The following SFI1 variants were observed in gnomAD, a reference collection of about 807,000 sequenced individuals.
SFI1 encodes SFI1 centrin binding protein.
A neutral mutation model predicts 207.5 loss-of-function variants in SFI1; 195 were observed. The observed-to-expected ratio is 0.94, with a 90% CI of 0.84 to 1.06. The LOEUF is 1.06. SFI1 is among the 50% of genes least tolerant of loss of function. SFI1 has a pLI of 0.00. For synonymous variants in SFI1, 630 were observed against 598.9 expected (o/e 1.05, Z -0.76); for missense variants, 1,634 against 1,588.0 (o/e 1.03, Z -0.49).
rs1042984968 is a variant in SFI1 at position 31,604,698 on chromosome 22, C to T, written c.1978-171C>T. ...TGAGGGCCTGTGAGACAGTTTCTCCCTGTCGTCTGGGAGGGTCTGCTGGCC... is the reference window on the plus strand; with the variant it reads ...TGAGGGCCTGTGAGACAGTTTCTCCTTGTCGTCTGGGAGGGTCTGCTGGCC... On this transcript the variant is annotated intron_variant, in intron 19 of 32. Transcript: ENST00000400288. The T allele has an allele frequency of 8.2e-6, 5 of 611,226 alleles. No individual in the cohort carries two copies. In the South Asian group the frequency reaches 8.5e-5, roughly 10 times the overall value. 37.9% of individuals were successfully genotyped at this position (611,226 alleles called of 1,614,324 possible).
chr22:31,543,976 C>T (rs897202402), intron 4 of SFI1, among the ~76,000 whole-genome samples: 1 of 152,064 alleles, frequency 6.6e-6, no homozygotes, highest in Non-Finnish European at 1.5e-5. Flanking sequence ...ATTGTCTGAG[C>T]TCAGGAGTGC....
At chr22:31,504,774 A>T (rs79416521) in intron 1 of SFI1, among the ~76,000 whole-genome samples, 3,536 of 152,220 alleles carry the variant, frequency 0.023, 122 homozygotes, top group African/African-American at 0.08. Context: ...TTGTAGATAC[A>T]TCACTCTAGT....
intron 6 of SFI1, among the ~76,000 whole-genome samples, chr22:31,552,815 C>T (rs1337212977): frequency 6.6e-6 from 1 of 151,998 alleles, no homozygotes; most frequent in Non-Finnish European, 1.5e-5. Flanking sequence ...TGTTCCCTTT[C>T]TCCACGTGCA....
chr22:31,511,710 A>G (rs574811612), intron 2 of SFI1, among the ~76,000 whole-genome samples: 62 of 152,020 alleles, frequency 4.1e-4, no homozygotes, highest in African/African-American at 1.0e-3. Context: ...CTGGAGTGCA[A>G]TGGCGTGATC....
In SFI1 at chr22:31,578,420, A is replaced by G. The variant is rs1451353917; in HGVS notation, c.1123A>G (p.Met375Val). 1 of 1,613,790 alleles carries G rather than the reference A, an allele frequency of 6.2e-7. No individual in the cohort carries two copies. Among genetic ancestry groups the G allele is most frequent in the Non-Finnish European group, 8.5e-7 (1 of 1,179,804 alleles). ...LCAEEAAQFEMAEEHHRHSQL... is the reference protein window; with the variant it reads ...LCAEEAAQFEVAEEHHRHSQL... ...TGCAGAAGAAGCTGCCCAGTTTGAG[A>G]TGGCAGAAGAGCACCACAGGCACAG... is the stretch of plus-strand genomic sequence containing the variant. The change falls in exon 11 of 33, where the codon ATG becomes GTG. Residue 375 changes from methionine (M) to valine (V), a missense_variant. Transcript: ENST00000400288.
intron 8 of SFI1, among the ~76,000 whole-genome samples, chr22:31,565,863 C>A (rs1233752155): frequency 6.6e-6 from 1 of 152,054 alleles, no homozygotes; most frequent in Non-Finnish European, 1.5e-5. Flanking sequence ...GAGACAGGGT[C>A]TTTCTCTGTT....
rs2145918736 is a variant in SFI1 at position 31,575,387 on chromosome 22, A to G, written c.1079A>G (p.Lys360Arg). The G allele has an allele frequency of 6.2e-7, 1 of 1,606,298 alleles. No individual in the cohort carries two copies. The highest frequency in any genetic ancestry group is 2.2e-5 in the East Asian group (1 of 44,616). ...MALRRAFTHWKHYMLLCAEEA... is the reference protein window; with the variant it reads ...MALRRAFTHWRHYMLLCAEEA... ...CTGCGGCGCGCCTTTACTCACTGGA[A>G]ACACTGTATCCTTTCAGATACTCAG... The change falls in exon 10 of 33, where the codon AAA (lysine) becomes AGA (arginine). Residue 360 changes from lysine to arginine, a missense_variant. By Grantham distance (26) the Lys-to-Arg change is conservative. Transcript: ENST00000400288.
In SFI1 at chr22:31,612,378, T is replaced by TGAAAAAAAA. The variant is rs1220311850; in HGVS notation, c.2490+538_2490+539insGAAAAAAAA. The TGAAAAAAAA allele has an allele frequency of 1.8e-4, 11 of 62,264 alleles. 1 individual carries two copies. Among genetic ancestry groups the TGAAAAAAAA allele is most frequent in the African/African-American group, 9.2e-4 (10 of 10,834 alleles). The allele number at this position is 62,264 out of a possible 1,614,324, so 3.9% of individuals were successfully genotyped here. A position where few individuals can be genotyped will look rare whatever the true frequency, so the allele number is the denominator to read the frequency against. On this transcript the variant is annotated intron_variant, in intron 24 of 32. Transcript: ENST00000400288. ...CCGGGCAACAGAGCGAGACTCTGTCTAAAAAAAAAAAAAAAAAAAAATATA... is the reference window on the plus strand; with the variant it reads ...CCGGGCAACAGAGCGAGACTCTGTCTGAAAAAAAAAAAAAAAAAAAAAAAAAAAAATATA...
In SFI1 at chr22:31,498,662, A is replaced by C. The variant is rs554827178; in HGVS notation, c.-31+2025A>C. Among the ~76,000 whole-genome samples the C allele has an allele frequency of 1.1e-3, 160 of 151,772 alleles. 1 individual carries two copies. Among genetic ancestry groups the C allele is most frequent in the African/African-American group, 3.7e-3 (153 of 41,390 alleles). ...CAAGACTCCGTCTAAAAAAAAAAAA[A>C]ATCATTAAAAGGAGTTTGAAAAAGT... On this transcript the variant is annotated intron_variant, in intron 1 of 32. Coordinates refer to ENST00000400288, the MANE Select transcript of SFI1 (RefSeq NM_001007467.3).
rs1436881119 is a variant in SFI1 at position 31,593,455 on chromosome 22, G to A, written c.1544+3878G>A. Among the ~76,000 whole-genome samples, 7 of 139,276 alleles carry A rather than the reference G, an allele frequency of 5.0e-5. No homozygotes were observed. In the South Asian group the frequency reaches 7.7e-4, roughly 15 times the overall value. 91.4% of individuals were successfully genotyped at this position (139,276 alleles called of 152,430 possible). A position where few individuals can be genotyped will look rare whatever the true frequency, so the allele number is the denominator to read the frequency against. ...GATGTGATGGCGGCTGGGAAGAGGC[G>A]CTCCTCACTTCCTAGATGGGATGGC... is the stretch of plus-strand genomic sequence containing the variant. On this transcript the variant is annotated intron_variant, in intron 15 of 32. Transcript: ENST00000400288.
At position 31,602,743 on chromosome 22, in the gene SFI1, C is replaced by T. The variant is rs2068317145; in HGVS notation, c.1763C>T (p.Ala588Val). The stretch of plus-strand genomic sequence containing the variant: ...CACCGCCACGGGCGGCTCAAGAAAG[C>T]TTTCTGCCTCTGGAGGGAAAGTGCC... ...AHHRHGRLKK[A>V]FCLWRESAQG... is the part of the protein sequence containing the mutation. Residue 588 changes from alanine to valine, a missense_variant, in exon 17 of 33, where the codon GCT becomes GTT. Transcript: ENST00000400288. 6.2e-7 allele frequency: 1 copy of T among 1,613,960 alleles called. No individual in the cohort carries two copies. Among genetic ancestry groups the T allele is most frequent in the Non-Finnish European group, 8.5e-7 (1 of 1,180,042 alleles).
intron 4 of SFI1, among the ~76,000 whole-genome samples, chr22:31,539,705 A>G (rs2059305394): frequency 6.6e-6 from 1 of 152,006 alleles, no homozygotes; most frequent in Non-Finnish European, 1.5e-5. Flanking sequence ...GCAGGACCCT[A>G]AAAAGCTTAT....
chr22:31,590,038 T>A (rs2065629881), intron 15 of SFI1, among the ~76,000 whole-genome samples: 1 of 151,474 alleles, frequency 6.6e-6, no homozygotes, highest in African/African-American at 2.4e-5. Flanking sequence ...GAGGTGTAAA[T>A]CCCAGTTGAA....
intron 3 of SFI1, among the ~76,000 whole-genome samples, chr22:31,530,031 G>A (rs1307748419): frequency 2.7e-5 from 4 of 150,620 alleles, no homozygotes; most frequent in African/African-American, 4.9e-5. Context: ...TTAACTGGGC[G>A]TGGTGGCAGG....
chr22:31,608,043 G>A lies in SFI1; in HGVS notation c.2254+10G>A, dbSNP rs368254488. The A allele has an allele frequency of 4.7e-5, 75 of 1,611,380 alleles. No individual in the cohort carries two copies. Among genetic ancestry groups the A allele is most frequent in the Non-Finnish European group, 6.2e-5 (73 of 1,177,958 alleles). Reference sequence around the variant, plus strand: ...AAGGTGCTGGACAGGGGTAAGTGGGGCCCCAGAAGCAAGTCATGTTGAGGA... The same window carrying A: ...AAGGTGCTGGACAGGGGTAAGTGGGACCCCAGAAGCAAGTCATGTTGAGGA... On this transcript the variant is annotated intron_variant, in intron 22 of 32. Transcript: ENST00000400288.
intron 2 of SFI1, among the ~76,000 whole-genome samples, chr22:31,516,811 G>A (rs1037107079): frequency 2.0e-5 from 3 of 151,710 alleles, no homozygotes; most frequent in East Asian, 3.9e-4. Flanking sequence ...AAAATTTGCC[G>A]GGCATGGTGG....
chr22:31,512,555 C>T (rs552534982), intron 2 of SFI1, among the ~76,000 whole-genome samples: 5 of 150,812 alleles, frequency 3.3e-5, no homozygotes, highest in South Asian at 2.1e-4. Flanking sequence ...CTCGCCCTGT[C>T]GCCCAGGCTG....
At chr22:31,562,985 A>T (rs1448847320) in intron 8 of SFI1, among the ~76,000 whole-genome samples, 12 of 76,598 alleles carry the variant, frequency 1.6e-4, no homozygotes, top group African/African-American at 5.5e-4. Flanking sequence ...ATCATCTTTT[A>T]TATATATATA....
At chr22:31,523,082 T>C (rs2057471798) in intron 2 of SFI1, among the ~76,000 whole-genome samples, 2 of 152,212 alleles carry the variant, frequency 1.3e-5, no homozygotes, top group African/African-American at 2.4e-5. Context: ...GCTGTGAACA[T>C]TGTGTACAAG....
Sources: allele counts gnomAD v4.1 joint callset (sites outside exome capture counted in the v4.1 genomes callset), GRCh38; gene constraint gnomAD v4.1.1; transcripts MANE v1.5; gene names NCBI Gene and HGNC (gene_info 2026-07-23, HGNC 2026-07-21).